The following LRPPRC variants were observed in gnomAD, a reference collection of about 807,000 sequenced individuals.
LRPPRC encodes leucine rich pentatricopeptide repeat containing.
Under a neutral mutation model 180.3 loss-of-function variants are expected in LRPPRC, and 120 were observed. That is an observed-to-expected ratio of 0.67 (90% CI 0.57 to 0.77). LRPPRC has a LOEUF of 0.77. Ranked by LOEUF, LRPPRC falls within the 30% of genes least tolerant of loss-of-function variation. The pLI is 0.00. For synonymous variants in LRPPRC, 723 were observed against 600.0 expected, an observed-to-expected ratio of 1.21 and a Z score of -3.00; for missense variants, 2,012 against 1,657.2, an observed-to-expected ratio of 1.21 and a Z score of -3.72.
chr2:43,963,877 T>A, intron 11 of LRPPRC, 171 bp from the exon 12 acceptor site: 1 of 630,762 alleles, frequency 1.6e-6, no homozygotes, highest in Non-Finnish European at 2.8e-6. Flanking sequence ...ATAAAAAAAT[T>A]AACTCCTCCT....
intron 1 of LRPPRC, among the ~76,000 whole-genome samples, chr2:43,994,747 C>T (rs970519917): frequency 2.0e-5 from 3 of 152,196 alleles, no homozygotes; most frequent in African/African-American, 2.4e-5. Context: ...CTCTGGTGGT[C>T]AGAATACTAT....
rs767831585 is a variant in LRPPRC at position 43,979,930 on chromosome 2, T to C, written c.365A>G (p.His122Arg). ...ACAACTACGTAGTAGAAGCAAGGCA[T>C]GACTACCACCTAGGCCACCTGTGGA... ...TCRSGGLGGSHALLLLRSCGS... is the reference protein window; with the variant it reads ...TCRSGGLGGSRALLLLRSCGS... Residue 122 changes from histidine (H) to arginine (R), a missense_variant, in exon 3 of 38, where the codon CAT (histidine) becomes CGT (arginine). Physicochemically the swap from His to Arg is conservative, Grantham distance 29. Coordinates refer to ENST00000260665, the MANE Select transcript of LRPPRC (RefSeq NM_133259.4). 44 of 1,613,806 alleles carry C rather than the reference T, an allele frequency of 2.7e-5. No individual in the cohort carries two copies. Among genetic ancestry groups the C allele is most frequent in the Non-Finnish European group, 3.7e-5 (44 of 1,179,872 alleles).
In LRPPRC at chr2:43,899,204, G is replaced by C; in HGVS notation, c.3825+15C>G. 2.5e-6 allele frequency: 4 copies of C among 1,575,906 alleles called. No homozygotes were observed. Among genetic ancestry groups the C allele is most frequent in the African/African-American group, 1.3e-5 (1 of 74,306 alleles). ...AGCCTCGAGCCCCACTGCTCCATGA[G>C]TGGAGGGTCATTACCTGTAGGAGAG... On this transcript the variant is annotated intron_variant, in intron 34 of 37. Transcript: ENST00000260665.
intron 27 of LRPPRC, among the ~76,000 whole-genome samples, chr2:43,918,784 T>C (rs1025833414): frequency 2.9e-5 from 1 of 34,586 alleles, no homozygotes; most frequent in Non-Finnish European, 4.3e-5. Flanking sequence ...GAAATATATA[T>C]ATATATAGAT....
chr2:43,947,293 G>T lies in LRPPRC; in HGVS notation c.2043C>A (p.Val681=). Residue 681 remains valine (V), a synonymous_variant, in exon 20 of 38, where the codon GTC becomes GTA. Transcript: ENST00000260665. ...AAAGCACTAATATGAGTTGCTTTAG[G>T]ACATCTCTTATAGGTTGATTTTCAG... ...LKAENQPIRD[V]LKQLILVLCS... is the part of the protein sequence containing the mutation. 6 of 1,601,838 alleles carry T rather than the reference G, an allele frequency of 3.7e-6. No homozygotes were observed. Among genetic ancestry groups the T allele is most frequent in the Non-Finnish European group, 5.1e-6 (6 of 1,170,302 alleles).
intron 32 of LRPPRC, 43 bp from the exon 33 acceptor site, chr2:43,899,648 T>G: frequency 7.2e-7 from 1 of 1,381,822 alleles, no homozygotes. Flanking sequence ...TGCTTTTATG[T>G]TAATATTACA....
intron 30 of LRPPRC, among the ~76,000 whole-genome samples, chr2:43,911,646 C>T (rs1029009586): frequency 2.0e-5 from 3 of 151,008 alleles, no homozygotes; most frequent in African/African-American, 7.3e-5. Flanking sequence ...CCTGCCTCAG[C>T]CTTTTGAGTA....
intron 29 of LRPPRC, among the ~76,000 whole-genome samples, chr2:43,914,836 T>TGTTTTAATG (rs1386367315): frequency 1.3e-5 from 2 of 152,156 alleles, no homozygotes; most frequent in African/African-American, 4.8e-5. Context: ...TTGTATTTAA[T>TGTTTTAATG]TATTTAACTA....
rs1298861207 is a variant in LRPPRC, at chr2:43,925,131, C to T, written c.2832G>A (p.Glu944=). The T allele has an allele frequency of 3.8e-6, 6 of 1,599,616 alleles. No individual in the cohort carries two copies. The highest frequency in any genetic ancestry group is 5.1e-6 in the Non-Finnish European group (6 of 1,166,900). ...CACATTCAAATAGCTTCTGTGTCAGCTCCACTAATTTTTCCAGAGTTTCAA... is the reference window on the plus strand; with the variant it reads ...CACATTCAAATAGCTTCTGTGTCAGTTCCACTAATTTTTCCAGAGTTTCAA... ...NQVETLEKLV[E]LTQKLFECDR... Residue 944 remains glutamate (E), a synonymous_variant, in exon 27 of 38, where the codon GAG becomes GAA. Coordinates refer to ENST00000260665, the MANE Select transcript of LRPPRC (RefSeq NM_133259.4).
chr2:43,979,327 C>T (rs894701286), intron 3 of LRPPRC, among the ~76,000 whole-genome samples: 2 of 152,080 alleles, frequency 1.3e-5, no homozygotes, highest in African/African-American at 4.8e-5. Flanking sequence ...CTGGAGAACA[C>T]CCCCATTGGC....
intron 20 of LRPPRC, among the ~76,000 whole-genome samples, 185 bp from the exon 21 acceptor site, chr2:43,946,428 C>T (rs1383536632): frequency 2.6e-5 from 4 of 152,016 alleles, no homozygotes; most frequent in African/African-American, 9.7e-5. Context: ...GCAAGTCTTA[C>T]ACGTGTAGGG....
chr2:43,951,570 G>A (rs1352200486), intron 14 of LRPPRC, among the ~76,000 whole-genome samples: 1 of 152,148 alleles, frequency 6.6e-6, no homozygotes, highest in Non-Finnish European at 1.5e-5. Context: ...TTTAAAGTAA[G>A]TTCTGAGATA....
Position 43,995,988 on chromosome 2 carries a change from A to G in LRPPRC, c.-41T>C. On this transcript the variant is annotated 5_prime_UTR_variant, in exon 1 of 38. Transcript: ENST00000260665. Reference sequence around the variant, plus strand: ...GCAGCGGGAAGCACGCTCCGCCAGAAGGACAGGAGGAGCATGTGACCGCAG... The same window carrying G: ...GCAGCGGGAAGCACGCTCCGCCAGAGGGACAGGAGGAGCATGTGACCGCAG... 5.3e-6 allele frequency: 8 copies of G among 1,521,340 alleles called. No individual in the cohort carries two copies. The highest frequency in any genetic ancestry group is 7.0e-6 in the Non-Finnish European group (8 of 1,140,538). 94.2% of individuals were successfully genotyped at this position (1,521,340 alleles called of 1,614,324 possible).
chr2:43,891,606 G>A (rs1572885571), intron 36 of LRPPRC, among the ~76,000 whole-genome samples: 1 of 152,150 alleles, frequency 6.6e-6, no homozygotes, highest in Non-Finnish European at 1.5e-5. Flanking sequence ...CTTGAGAAAC[G>A]TGTTCTGACT....
At chr2:43,894,285 T>C (rs544261150) in intron 36 of LRPPRC, among the ~76,000 whole-genome samples, 1 of 152,370 alleles carries the variant, frequency 6.6e-6, no homozygotes, top group African/African-American at 2.4e-5. Context: ...CTACTCAATA[T>C]ACCCGGACTG....
intron 23 of LRPPRC, among the ~76,000 whole-genome samples, chr2:43,942,800 C>A (rs763564097): frequency 6.6e-6 from 1 of 152,122 alleles, no homozygotes; most frequent in Non-Finnish European, 1.5e-5. Flanking sequence ...AAATTCAGCT[C>A]TCCCTGTTAA....
intron 1 of LRPPRC, among the ~76,000 whole-genome samples, chr2:43,993,455 G>A (rs1674875574): frequency 6.6e-6 from 1 of 152,146 alleles, no homozygotes; most frequent in South Asian, 2.1e-4. Context: ...GACTGCAGTG[G>A]ATAGGAAAGT....
intron 32 of LRPPRC, 148 bp from the exon 33 acceptor site, chr2:43,899,753 G>C (rs1056995737): frequency 2.4e-5 from 15 of 624,624 alleles, no homozygotes; most frequent in African/African-American, 2.2e-4. Flanking sequence ...ATAAACACTA[G>C]GCAACTGAAA....
At chr2:43,889,925 T>G in intron 36 of LRPPRC, 49 bp from the exon 37 acceptor site, 2 of 1,442,034 alleles carry the variant, frequency 1.4e-6, no homozygotes, top group Non-Finnish European at 2.0e-6. Flanking sequence ...ACAACCTATC[T>G]TACTCTTTTC....
Sources: allele counts gnomAD v4.1 joint callset (sites outside exome capture counted in the v4.1 genomes callset), GRCh38; gene constraint gnomAD v4.1.1; transcripts MANE v1.5; gene names NCBI Gene and HGNC (gene_info 2026-07-23, HGNC 2026-07-21).